TARDBP: variants seen among roughly 807,000 people sequenced by gnomAD.
The protein encoded by TARDBP is TAR DNA binding protein.
A neutral mutation model predicts 38.3 loss-of-function variants in TARDBP; 4 were observed. The observed-to-expected ratio is 0.10, with a 90% CI of 0.05 to 0.24. TARDBP has a LOEUF of 0.24. Ranked by LOEUF, TARDBP falls within the 10% of genes least tolerant of loss-of-function variation. The pLI is 1.00. For synonymous variants in TARDBP, 184 were observed against 183.8 expected (o/e 1.00, Z -0.01); for missense variants, 202 against 521.9 (o/e 0.39, Z 5.97).
In TARDBP at chr1:11,024,099, C is replaced by T. The variant is rs1643688008; in HGVS notation, c.*1445C>T. The T allele has an allele frequency of 6.6e-6, 1 of 152,540 alleles. No homozygotes were observed. The highest frequency in any genetic ancestry group is 6.6e-5 in the Admixed American group (1 of 15,258). The allele number at this position is 152,540 out of a possible 1,614,324, so 9.4% of individuals were successfully genotyped here. A position where few individuals can be genotyped will look rare whatever the true frequency, so the allele number is the denominator to read the frequency against. ...AAAGAATTCATAGCAGTTAATTCCCCTTTTTTGACCCTTTTGAGATGGAAC... is the reference window on the plus strand; with the variant it reads ...AAAGAATTCATAGCAGTTAATTCCCTTTTTTTGACCCTTTTGAGATGGAAC... On this transcript the variant is annotated 3_prime_UTR_variant, in exon 6 of 6. Coordinates refer to ENST00000240185, the MANE Select transcript of TARDBP (RefSeq NM_007375.4).
chr1:11,029,904 G>A (rs941867361), downstream of TARDBP: 5 of 260,844 alleles, frequency 1.9e-5, no homozygotes, highest in African/African-American at 4.5e-5. Flanking sequence ...GATTACAGGC[G>A]TGAGCCACAC....
chr1:11,026,611 A>T, downstream of TARDBP: 1 of 282,846 alleles, frequency 3.5e-6, no homozygotes, highest in Non-Finnish European at 6.5e-6. Flanking sequence ...TGGCTTTTTA[A>T]GGTAATGAAA....
At chr1:11,030,073 G>A, downstream of TARDBP, 1 of 774,760 alleles carries the variant, frequency 1.3e-6, no homozygotes. Flanking sequence ...GCCAAGTGCT[G>A]AAGTTACATT....
At chr1:11,021,961 A>G (rs1016927464) in intron 5 of TARDBP, among the ~76,000 whole-genome samples, 163 bp from the exon 6 acceptor site, 1 of 149,360 alleles carries the variant, frequency 6.7e-6, no homozygotes, top group East Asian at 2.0e-4. Flanking sequence ...TGCTGTTAAT[A>G]AAACTAAAAG....
chr1:11,029,191 G>A (rs184140602), downstream of TARDBP, among the ~76,000 whole-genome samples: 1,079 of 151,312 alleles, frequency 7.1e-3, 42 homozygotes, highest in Admixed American at 0.067. Context: ...TAGTAGAGAC[G>A]GAGTTTCACC....
At position 11,022,210 on chromosome 1, in the gene TARDBP, T is replaced by C. The variant is rs370069646; in HGVS notation, c.801T>C (p.Asn267=). 1.2e-6 allele frequency: 2 copies of C among 1,613,756 alleles called. No homozygotes were observed. The highest frequency in any genetic ancestry group is 1.1e-5 in the South Asian group (1 of 91,070). Reference sequence around the variant, plus strand: ...ATGCCGAACCTAAGCACAATAGCAATAGACAGTTAGAAAGAAGTGGAAGAT... The same window carrying C: ...ATGCCGAACCTAAGCACAATAGCAACAGACAGTTAGAAAGAAGTGGAAGAT... ...ISNAEPKHNS[N]RQLERSGRFG... Residue 267 remains asparagine, a synonymous_variant, in exon 6 of 6, where the codon AAT becomes AAC. Transcript: ENST00000240185. The surrounding 1 kb of genome is among the most constrained non-coding windows in gnomAD (Gnocchi z 4.5).
chr1:11,022,430 G>C lies in TARDBP; in HGVS notation c.1021G>C (p.Ala341Pro). Residue 341 changes from alanine to proline, a missense_variant, in exon 6 of 6, where the codon GCC becomes CCC. Ala to Pro is a conservative substitution (Grantham distance 27). Coordinates refer to ENST00000240185, the MANE Select transcript of TARDBP (RefSeq NM_007375.4). The surrounding 1 kb of genome is among the most constrained non-coding windows in gnomAD (Gnocchi z 4.5). ...CAGTTGGGGTATGATGGGCATGTTA[G>C]CCAGCCAGCAGAACCAGTCAGGCCC... ...QSSWGMMGMLASQQNQSGPSG... is the reference protein window; with the variant it reads ...QSSWGMMGMLPSQQNQSGPSG... 6.2e-7 allele frequency: 1 copy of C among 1,613,878 alleles called. No individual in the cohort carries two copies. The highest frequency in any genetic ancestry group is 8.5e-7 in the Non-Finnish European group (1 of 1,179,782).
chr1:11,018,580 T>G (rs567461366), intron 3 of TARDBP, 153 bp from the exon 4 acceptor site: 1 of 953,676 alleles, frequency 1.0e-6, no homozygotes, highest in Non-Finnish European at 1.7e-6. Context: ...AATATTAACC[T>G]CCTTGTTTTT....
intron 4 of TARDBP, among the ~76,000 whole-genome samples, chr1:11,020,112 G>C (rs985998294): frequency 6.6e-6 from 1 of 151,556 alleles, no homozygotes; most frequent in Non-Finnish European, 1.5e-5. Context: ...CACCCGCCTC[G>C]GCCTCTCAAA....
downstream of TARDBP, chr1:11,027,734 T>C (rs1570733094): frequency 4.2e-6 from 6 of 1,430,478 alleles, no homozygotes; most frequent in East Asian, 1.4e-4. Context: ...GAAGTATATA[T>C]TTGATGTCAA....
chr1:11,023,346 T>C lies in TARDBP; in HGVS notation c.*692T>C. On this transcript the variant is annotated 3_prime_UTR_variant, in exon 6 of 6. Transcript: ENST00000240185. Reference sequence around the variant, plus strand: ...TCTTTGACGGTGGGTGTCCCATTTTTATCCGCTACTCTTTATTTCATGGAG... The same window carrying C: ...TCTTTGACGGTGGGTGTCCCATTTTCATCCGCTACTCTTTATTTCATGGAG... The C allele has an allele frequency of 8.0e-7, 1 of 1,248,840 alleles. No individual in the cohort carries two copies. The highest frequency in any genetic ancestry group is 1.1e-6 in the Non-Finnish European group (1 of 876,408). The allele number at this position is 1,248,840 out of a possible 1,614,324, so 77.4% of individuals were successfully genotyped here.
At chr1:11,027,257 C>T (rs766503914), downstream of TARDBP, 23 of 1,614,038 alleles carry the variant, frequency 1.4e-5, no homozygotes, top group Non-Finnish European at 1.7e-5. Flanking sequence ...TGTCATCTGT[C>T]CTCATAAAGG....
downstream of TARDBP, chr1:11,027,124 G>C (rs764538914): frequency 1.2e-6 from 2 of 1,612,214 alleles, no homozygotes; most frequent in Admixed American, 3.3e-5. Context: ...CTTCCCCTTG[G>C]ATAGGGTGGC....
chr1:11,017,089 G>T lies in TARDBP; in HGVS notation c.402+82G>T. On this transcript the variant is annotated intron_variant, in intron 3 of 5. Coordinates refer to ENST00000240185, the MANE Select transcript of TARDBP (RefSeq NM_007375.4). ...TTATTTATTGGTATAAATAGAGATG[G>T]GGTATCACTATGTTCCCTAGGTTCT... The T allele has an allele frequency of 2.8e-6, 4 of 1,449,494 alleles. No individual in the cohort carries two copies. In the South Asian group the frequency reaches 3.4e-5, roughly 12 times the overall value. The allele number at this position is 1,449,494 out of a possible 1,614,324, so 89.8% of individuals were successfully genotyped here. A position where few individuals can be genotyped will look rare whatever the true frequency, so the allele number is the denominator to read the frequency against.
At chr1:11,027,063 C>A, downstream of TARDBP, 1 of 1,592,344 alleles carries the variant, frequency 6.3e-7, no homozygotes, top group Non-Finnish European at 8.6e-7. Context: ...ACCTCTGCAG[C>A]TGTCCTTGCC....
downstream of TARDBP, chr1:11,026,835 C>G (rs1570731191): frequency 2.8e-6 from 4 of 1,437,996 alleles, no homozygotes; most frequent in East Asian, 1.0e-4. Flanking sequence ...CTGCCAAGGT[C>G]TTCACAGGCA....
downstream of TARDBP, chr1:11,030,325 G>T: frequency 1.0e-6 from 1 of 996,418 alleles, no homozygotes; most frequent in Non-Finnish European, 1.6e-6. Flanking sequence ...ATACCCCCTT[G>T]AAAAATGTTG....
downstream of TARDBP, chr1:11,025,524 C>T (rs919565111): frequency 1.3e-5 from 2 of 151,932 alleles, no homozygotes; most frequent in African/African-American, 2.4e-5. Flanking sequence ...TGGAAAAACA[C>T]GATTTCTTTT....
chr1:11,030,387 A>G, downstream of TARDBP: 1 of 632,606 alleles, frequency 1.6e-6, no homozygotes, highest in Non-Finnish European at 2.7e-6. Context: ...ATTTTACATG[A>G]TTTCATAAAT....
Sources: allele counts gnomAD v4.1 joint callset (sites outside exome capture counted in the v4.1 genomes callset), GRCh38; gene constraint gnomAD v4.1.1; non-coding constraint Gnocchi (gnomAD v3.1); transcripts MANE v1.5; gene names NCBI Gene and HGNC (gene_info 2026-07-23, HGNC 2026-07-21).